The following MYRIP variants were observed in gnomAD, a reference collection of about 807,000 sequenced individuals.
The protein encoded by MYRIP is rab effector MyRIP.
In MYRIP, 49 loss-of-function variants were observed where a neutral mutation model predicts 98.0. The observed-to-expected ratio is 0.50, with a 90% CI of 0.40 to 0.63. The LOEUF is 0.63. Ranked by LOEUF, MYRIP falls within the 30% of genes least tolerant of loss-of-function variation. The pLI is 0.00. For missense variants in MYRIP, 1,004 were observed against 1,058.2 expected (o/e 0.95, Z 0.71); for synonymous variants, 404 against 409.5 (o/e 0.99, Z 0.16).
chr3:40,041,460 C>T (rs538129727), intron 2 of MYRIP, among the ~76,000 whole-genome samples: 1 of 150,676 alleles, frequency 6.6e-6, no homozygotes, highest in African/African-American at 2.4e-5. Flanking sequence ...CTGTGATATT[C>T]CCACCCAGAA....
chr3:39,872,691 T>G (rs1167183921), intron 1 of MYRIP, among the ~76,000 whole-genome samples: 2 of 152,114 alleles, frequency 1.3e-5, no homozygotes, highest in Non-Finnish European at 2.9e-5. Flanking sequence ...GGCTGCATAG[T>G]ATTCCATGGT....
intron 2 of MYRIP, among the ~76,000 whole-genome samples, chr3:39,973,659 T>A (rs62264391): frequency 4.6e-5 from 7 of 150,782 alleles, no homozygotes; most frequent in Admixed American, 1.3e-4. Context: ...GAAGTAAAGC[T>A]CTCCTCAGCA....
chr3:39,983,631 C>T (rs1476858377), intron 2 of MYRIP, among the ~76,000 whole-genome samples: 2 of 152,144 alleles, frequency 1.3e-5, no homozygotes, highest in East Asian at 1.9e-4. Flanking sequence ...CAGACAAAGC[C>T]TCTGCCCTTG....
chr3:40,199,693 C>T (rs1320591209), intron 10 of MYRIP, among the ~76,000 whole-genome samples: 1 of 152,162 alleles, frequency 6.6e-6, no homozygotes, highest in Non-Finnish European at 1.5e-5. Flanking sequence ...TTCCCCTCTG[C>T]CCTTCAATTC....
chr3:39,924,154 A>G (rs1479541622), intron 2 of MYRIP, among the ~76,000 whole-genome samples: 1 of 152,146 alleles, frequency 6.6e-6, no homozygotes, highest in South Asian at 2.1e-4. Flanking sequence ...TTAAATGTAA[A>G]TGGCCTAAAT....
intron 13 of MYRIP, chr3:40,248,555 C>T (rs1408093351): frequency 1.3e-5 from 2 of 152,204 alleles, no homozygotes; most frequent in Non-Finnish European, 2.9e-5. Flanking sequence ...TGTCCTTTGT[C>T]CTATGGACTG....
chr3:40,131,849 C>A (rs1949650447), intron 3 of MYRIP, among the ~76,000 whole-genome samples: 1 of 151,922 alleles, frequency 6.6e-6, no homozygotes, highest in Admixed American at 6.6e-5. Context: ...CTCCTCTTTT[C>A]CAAAACTTTT....
At chr3:39,893,615 T>C (rs1456283569) in intron 1 of MYRIP, among the ~76,000 whole-genome samples, 1 of 151,944 alleles carries the variant, frequency 6.6e-6, no homozygotes, top group Non-Finnish European at 1.5e-5. Context: ...GACATCCTAT[T>C]GCCCAGAGAT....
At chr3:40,256,423 G>C (rs1321220882) in intron 16 of MYRIP, among the ~76,000 whole-genome samples, 1 of 151,788 alleles carries the variant, frequency 6.6e-6, no homozygotes, top group African/African-American at 2.4e-5. Context: ...TAAATATTTT[G>C]TTCCTTGTTA....
intron 3 of MYRIP, among the ~76,000 whole-genome samples, chr3:40,131,916 T>C (rs1162196241): frequency 6.6e-6 from 1 of 152,154 alleles, no homozygotes; most frequent in Non-Finnish European, 1.5e-5. Flanking sequence ...CATCTTCTTC[T>C]ACCTTGTGAG....
intron 3 of MYRIP, among the ~76,000 whole-genome samples, chr3:40,105,406 G>T (rs1022795194): frequency 6.6e-6 from 1 of 152,134 alleles, no homozygotes; most frequent in Non-Finnish European, 1.5e-5. Flanking sequence ...ATTGGCTCAT[G>T]GTTCTGCAGG....
intron 3 of MYRIP, among the ~76,000 whole-genome samples, chr3:40,082,978 G>A (rs1416808231): frequency 6.6e-6 from 1 of 152,190 alleles, no homozygotes; most frequent in Non-Finnish European, 1.5e-5. Flanking sequence ...CAAATTTAAA[G>A]AAGCTGAGCA....
intron 2 of MYRIP, among the ~76,000 whole-genome samples, chr3:39,948,719 A>C (rs898564296): frequency 2.0e-5 from 3 of 152,192 alleles, no homozygotes; most frequent in Admixed American, 6.6e-5. Flanking sequence ...AAGAGAAAGA[A>C]TAGATTAGAG....
At chr3:39,893,774 T>C (rs928224184) in intron 1 of MYRIP, among the ~76,000 whole-genome samples, 5 of 152,114 alleles carry the variant, frequency 3.3e-5, no homozygotes, top group Admixed American at 6.6e-5. Context: ...TTTTAATCTA[T>C]AATTTTTATT....
chr3:39,855,132 G>C (rs1942247370), intron 1 of MYRIP, among the ~76,000 whole-genome samples: 1 of 152,246 alleles, frequency 6.6e-6, no homozygotes, highest in Non-Finnish European at 1.5e-5. Context: ...TATGCTAGCA[G>C]TGAAGTTGTC....
chr3:40,172,825 A>G (rs1311947508), intron 8 of MYRIP, among the ~76,000 whole-genome samples: 3 of 151,954 alleles, frequency 2.0e-5, no homozygotes, highest in Admixed American at 1.3e-4. Flanking sequence ...TAAGATATCA[A>G]CTCACCCACT....
chr3:39,952,766 C>T (rs892357936), intron 2 of MYRIP, among the ~76,000 whole-genome samples: 1 of 152,010 alleles, frequency 6.6e-6, no homozygotes, highest in Non-Finnish European at 1.5e-5. Flanking sequence ...CTTTGTTTTG[C>T]CCTCATTTTT....
chr3:40,036,514 A>T (rs982863486), intron 2 of MYRIP, among the ~76,000 whole-genome samples: 5 of 152,046 alleles, frequency 3.3e-5, no homozygotes, highest in Non-Finnish European at 5.9e-5. Context: ...AAATTGTTAA[A>T]TGTGTATAAA....
At chr3:39,828,401 G>C (rs62261642) in intron 1 of MYRIP, among the ~76,000 whole-genome samples, 29,939 of 151,630 alleles carry the variant, frequency 0.2, 3,064 homozygotes, top group South Asian at 0.29. Context: ...TTATTAGTCT[G>C]TTGTATTGTC....
Sources: allele counts gnomAD v4.1 joint callset (sites outside exome capture counted in the v4.1 genomes callset), GRCh38; gene constraint gnomAD v4.1.1; transcripts MANE v1.5; gene names NCBI Gene and HGNC (gene_info 2026-07-23, HGNC 2026-07-21).